PDE3B: variants seen among roughly 807,000 people sequenced by gnomAD.
PDE3B encodes the protein phosphodiesterase 3B, also known as cGMP-inhibited 3',5'-cyclic phosphodiesterase 3B.
Under a neutral mutation model 116.8 loss-of-function variants are expected in PDE3B, and 66 were observed. The ratio of observed to expected loss-of-function variants is 0.56; its 90% confidence interval spans 0.46 to 0.69. The LOEUF (loss-of-function observed/expected upper bound fraction) is 0.69, where lower values mean the gene tolerates loss of function less well. PDE3B is among the 30% of genes least tolerant of loss of function. PDE3B has a pLI of 0.00. For synonymous variants in PDE3B, 595 were observed against 533.6 expected (o/e 1.12, Z -1.59); for missense variants, 1,384 against 1,368.1 (o/e 1.01, Z -0.18).
chr11:14,805,423 AT>A lies in PDE3B; in HGVS notation c.1522+1381del, dbSNP rs370004437. Among the ~76,000 whole-genome samples the A allele has an allele frequency of 2.4e-3, 359 of 152,102 alleles. 1 individual carries two copies. Among genetic ancestry groups the A allele is most frequent in the African/African-American group, 8.0e-3 (332 of 41,492 alleles). On this transcript the variant is annotated intron_variant, in intron 5 of 15. Coordinates refer to ENST00000282096, the MANE Select transcript of PDE3B (RefSeq NM_000922.4). ...CTTGAAAAATTAAATAGGAATAAAA[AT>A]TTTTTTTAGTATCCTCACTTCCCTG...
the PDE3B span, among the ~76,000 whole-genome samples, chr11:14,894,762 G>T: frequency 1.3e-5 from 2 of 152,274 alleles, no homozygotes; most frequent in Middle Eastern, 6.8e-3. Flanking sequence ...AGTTTATCAT[G>T]TTCCCTCAGC....
chr11:14,771,942 T>C lies in PDE3B; in HGVS notation c.984T>C (p.Ile328=). The change falls in exon 2 of 16, where the codon ATT becomes ATC. Residue 328 remains isoleucine (I), a synonymous_variant. Coordinates refer to ENST00000282096, the MANE Select transcript of PDE3B (RefSeq NM_000922.4). The stretch of plus-strand genomic sequence containing the variant: ...AAGTGAATTTTTTTTTCTAGATGAT[T>C]CTTTGGGATTGGGACTTAAAACAAT... ...SLPCISREQM[I]LWDWDLKQWY... 7.5e-7 allele frequency: 1 copy of C among 1,335,832 alleles called. No individual in the cohort carries two copies. The highest frequency in any genetic ancestry group is 1.0e-6 in the Non-Finnish European group (1 of 996,990). 82.7% of individuals were successfully genotyped at this position (1,335,832 alleles called of 1,614,324 possible). A position where few individuals can be genotyped will look rare whatever the true frequency, so the allele number is the denominator to read the frequency against.
chr11:14,879,202 C>A, the PDE3B span: 2 of 1,613,260 alleles, frequency 1.2e-6, no homozygotes, highest in Non-Finnish European at 1.7e-6. Flanking sequence ...CTGGGTCTCT[C>A]CAGTACTTTT....
chr11:14,727,515 A>G (rs1856343391), intron 1 of PDE3B, among the ~76,000 whole-genome samples: 1 of 152,098 alleles, frequency 6.6e-6, no homozygotes, highest in East Asian at 1.9e-4. Flanking sequence ...TAAATGTTTC[A>G]TCTTCTAATT....
At chr11:14,832,671 C>G (rs1211332298) in intron 9 of PDE3B, 51 bp from the exon 10 acceptor site, 1 of 703,668 alleles carries the variant, frequency 1.4e-6, no homozygotes. Flanking sequence ...TACTCAGCTA[C>G]AAATAGAAAT....
chr11:14,835,932 T>TA (rs1388826464), intron 11 of PDE3B, among the ~76,000 whole-genome samples: 1 of 152,246 alleles, frequency 6.6e-6, no homozygotes, highest in Non-Finnish European at 1.5e-5. Flanking sequence ...TGCACTGACA[T>TA]ATATCAAGAC....
chr11:14,679,343 G>T (rs988462308), intron 1 of PDE3B, among the ~76,000 whole-genome samples: 6 of 151,564 alleles, frequency 4.0e-5, no homozygotes, highest in Non-Finnish European at 7.4e-5. Flanking sequence ...CCTATGTGTG[G>T]GCCCACTCCC....
At chr11:14,889,161 G>GTTTT in the PDE3B span, among the ~76,000 whole-genome samples, 1 of 116,534 alleles carries the variant, frequency 8.6e-6, no homozygotes, top group East Asian at 3.5e-4. Flanking sequence ...TTAAAGTCCA[G>GTTTT]TTGTTTTTTT....
At chr11:14,680,032 G>A (rs368993220) in intron 1 of PDE3B, among the ~76,000 whole-genome samples, 7 of 152,298 alleles carry the variant, frequency 4.6e-5, no homozygotes, top group African/African-American at 1.7e-4. Flanking sequence ...GAAGCTCATA[G>A]TAGTAGGCCA....
chr11:14,775,065 T>C (rs1554992015), intron 2 of PDE3B: 1 of 152,202 alleles, frequency 6.6e-6, no homozygotes, highest in Non-Finnish European at 1.5e-5. Flanking sequence ...AACTATCCTC[T>C]CTAAAATTGC....
intron 1 of PDE3B, among the ~76,000 whole-genome samples, chr11:14,678,628 A>G (rs372921882): frequency 3.3e-4 from 51 of 152,260 alleles, no homozygotes; most frequent in African/African-American, 1.1e-3. Flanking sequence ...TATTTACATT[A>G]TATATCATCT....
chr11:14,829,622 T>C (rs954738065), intron 7 of PDE3B, among the ~76,000 whole-genome samples: 3 of 152,152 alleles, frequency 2.0e-5, no homozygotes, highest in Middle Eastern at 6.8e-3. Flanking sequence ...CTGTCACTTA[T>C]AAGTGGGAGA....
Position 14,844,016 on chromosome 11 carries a change from A to G in PDE3B, c.2510A>G (p.Asn837Ser). ...GRTNAFLVAT[N>S]APQAVLYNDR... ...ACAAATGCATTTCTAGTGGCTACAA[A>G]TGCCCCTCAGGTAGGAAATATTTTT... is the stretch of plus-strand genomic sequence containing the variant. Residue 837 changes from asparagine to serine, a missense_variant, in exon 12 of 16, where the codon AAT (asparagine) becomes AGT (serine). Physicochemically the swap from Asn to Ser is conservative, Grantham distance 46. Coordinates refer to ENST00000282096, the MANE Select transcript of PDE3B (RefSeq NM_000922.4). The G allele has an allele frequency of 6.2e-7, 1 of 1,613,340 alleles. No individual in the cohort carries two copies. The highest frequency in any genetic ancestry group is 8.5e-7 in the Non-Finnish European group (1 of 1,179,306).
At chr11:14,660,016 TA>T (rs1266003099) in intron 1 of PDE3B, among the ~76,000 whole-genome samples, 1 of 152,178 alleles carries the variant, frequency 6.6e-6, no homozygotes, top group Non-Finnish European at 1.5e-5. Context: ...ACACATTCCA[TA>T]AAAGGTTCTC....
chr11:14,860,920 TACAC>T (rs3834439), intron 13 of PDE3B, among the ~76,000 whole-genome samples: 105 of 149,958 alleles, frequency 7.0e-4, no homozygotes, highest in East Asian at 2.4e-3. Flanking sequence ...TATATATATA[TACAC>T]ACACACACAC....
At chr11:14,779,284 A>C (rs889853020) in intron 2 of PDE3B, among the ~76,000 whole-genome samples, 12 of 152,134 alleles carry the variant, frequency 7.9e-5, no homozygotes, top group Non-Finnish European at 1.6e-4. Flanking sequence ...CCTAGCAAGG[A>C]AGGCCAACAT....
At chr11:14,892,498 C>A in the PDE3B span, among the ~76,000 whole-genome samples, 1 of 152,174 alleles carries the variant, frequency 6.6e-6, no homozygotes, top group Admixed American at 6.5e-5. Flanking sequence ...AGGGCATTGA[C>A]GAGGTGTCAG....
chr11:14,732,584 A>G (rs1856489256), intron 1 of PDE3B, among the ~76,000 whole-genome samples: 1 of 152,176 alleles, frequency 6.6e-6, no homozygotes, highest in Non-Finnish European at 1.5e-5. Context: ...AGTGTTCAAG[A>G]TAACTTACTA....
At position 14,644,675 on chromosome 11, in the gene PDE3B, G is replaced by A; in HGVS notation, c.600G>A (p.Val200=). 1 of 1,504,492 alleles carries A rather than the reference G, an allele frequency of 6.6e-7. No individual in the cohort carries two copies. The highest frequency in any genetic ancestry group is 2.2e-5 in the Admixed American group (1 of 44,892). The allele number at this position is 1,504,492 out of a possible 1,614,324, so 93.2% of individuals were successfully genotyped here. Reference sequence around the variant, plus strand: ...CGGCAGCGGGCAGGTTGCTGCTGGTGCTGAGCTGCGTAGGGCTGCTGCTGA... The same window carrying A: ...CGGCAGCGGGCAGGTTGCTGCTGGTACTGAGCTGCGTAGGGCTGCTGCTGA... ...PEAAAGRLLL[V]LSCVGLLLTL... The change falls in exon 1 of 16, where the codon GTG becomes GTA. Residue 200 remains valine (V), a synonymous_variant. Coordinates refer to ENST00000282096, the MANE Select transcript of PDE3B (RefSeq NM_000922.4).
Sources: gnomAD v4.1 joint callset for allele counts (sites outside exome capture counted in the v4.1 genomes callset) on GRCh38, gnomAD v4.1.1 for gene constraint, MANE v1.5 for transcripts, NCBI Gene and HGNC (gene_info 2026-07-23, HGNC 2026-07-21) for gene names.